CFAP46: variants seen among roughly 807,000 people sequenced by gnomAD.
The protein encoded by CFAP46 is cilia and flagella associated protein 46, also known as cilia- and flagella-associated protein 46.
A neutral mutation model predicts 325.7 loss-of-function variants in CFAP46; 245 were observed. That is an observed-to-expected ratio of 0.75 (90% CI 0.68 to 0.84). The LOEUF (loss-of-function observed/expected upper bound fraction) is 0.84. Ranked by LOEUF, CFAP46 falls within the 40% of genes least tolerant of loss-of-function variation. The probability of loss-of-function intolerance (pLI) is 0.00; values close to 1 mark genes in which losing one functional copy is unlikely to be tolerated. For missense variants in CFAP46, 3,346 were observed against 3,543.0 expected, an observed-to-expected ratio of 0.94 and a Z score of 1.41; for synonymous variants, 1,523 against 1,495.9, an observed-to-expected ratio of 1.02 and a Z score of -0.42.
chr10:132,858,582 A>C (rs1453828369), intron 38 of CFAP46, among the ~76,000 whole-genome samples: 4 of 151,160 alleles, frequency 2.6e-5, no homozygotes, highest in Non-Finnish European at 4.4e-5. Flanking sequence ...GCAGCCCCTG[A>C]GATGCCGTCT....
At chr10:132,845,111 AC>A (rs1201942515) in intron 44 of CFAP46, among the ~76,000 whole-genome samples, 4 of 151,888 alleles carry the variant, frequency 2.6e-5, no homozygotes, top group Non-Finnish European at 4.4e-5. Context: ...TGCCATGCAC[AC>A]CCTCCTGGAC....
intron 7 of CFAP46, among the ~76,000 whole-genome samples, chr10:132,936,370 C>CAT (rs1564806478): frequency 3.5e-4 from 28 of 79,234 alleles, no homozygotes; most frequent in African/African-American, 1.4e-3. Flanking sequence ...CCCCTCGGCA[C>CAT]CCAAACACAC....
chr10:132,880,682 CA>C (rs1370672879), intron 28 of CFAP46, among the ~76,000 whole-genome samples, 178 bp downstream of exon 28: 1 of 147,862 alleles, frequency 6.8e-6, no homozygotes, highest in Admixed American at 6.7e-5. Context: ...CTGCAGAGGA[CA>C]GCACTGAGAC....
chr10:132,868,664 C>G (rs899366836), intron 33 of CFAP46, among the ~76,000 whole-genome samples: 1 of 152,140 alleles, frequency 6.6e-6, no homozygotes, highest in Non-Finnish European at 1.5e-5. Context: ...AATGATGGGG[C>G]CAATCGTGAG....
Position 132,934,799 on chromosome 10 carries a change from G to A in CFAP46, c.819C>T (p.His273=). The change falls in exon 8 of 58, where the codon CAC becomes CAT. Residue 273 remains histidine (H), a synonymous_variant. Transcript: ENST00000368586. Reference sequence around the variant, plus strand: ...AGCGCTGGTGGTTGTAATGACCTAAGTGTCTGTAGGCCTTCCTCAGAATGA... The same window carrying A: ...AGCGCTGGTGGTTGTAATGACCTAAATGTCTGTAGGCCTTCCTCAGAATGA... ...ISVILRKAYR[H]LGHYNHQRFP... 6.2e-7 allele frequency: 1 copy of A among 1,613,138 alleles called. No homozygotes were observed. The highest frequency in any genetic ancestry group is 8.5e-7 in the Non-Finnish European group (1 of 1,179,288).
At position 132,899,665 on chromosome 10, in the gene CFAP46, C is replaced by T. The variant is rs1392906873; in HGVS notation, c.2926G>A (p.Glu976Lys). The change falls in exon 23 of 58, where the codon GAG (glutamate) becomes AAG (lysine). Residue 976 changes from glutamate (E) to lysine (K), a missense_variant and splice_region_variant. Physicochemically the swap from Glu to Lys is moderately conservative, Grantham distance 56. Coordinates refer to ENST00000368586, the MANE Select transcript of CFAP46 (RefSeq NM_001200049.3). ...GIKYLKKFGP[E>K]ESRLVAEMLC... is the part of the protein sequence containing the mutation. ...ATCTCTGCCACCAGCCGGGACTCCTCGCTGCAGGAACAGGGCCAGTGAGGA... is the reference window on the plus strand; with the variant it reads ...ATCTCTGCCACCAGCCGGGACTCCTTGCTGCAGGAACAGGGCCAGTGAGGA... 1.3e-5 allele frequency: 20 copies of T among 1,548,412 alleles called. No homozygotes were observed. The highest frequency in any genetic ancestry group is 2.4e-5 in the East Asian group (1 of 40,904).
intron 44 of CFAP46, 103 bp from the exon 45 acceptor site, chr10:132,837,017 G>C: frequency 1.1e-6 from 1 of 918,538 alleles, no homozygotes; most frequent in Non-Finnish European, 1.7e-6. Flanking sequence ...AGCCACGGCG[G>C]GGGCTTTGTA....
chr10:132,832,912 T>C lies in CFAP46; in HGVS notation c.7117+446A>G, dbSNP rs1848175256. 3 of 448,824 alleles carry C rather than the reference T, an allele frequency of 6.7e-6. No individual in the cohort carries two copies. The highest frequency in any genetic ancestry group is 1.4e-5 in the Non-Finnish European group (3 of 211,410). The allele number at this position is 448,824 out of a possible 1,614,324, so 27.8% of individuals were successfully genotyped here. A position where few individuals can be genotyped will look rare whatever the true frequency, so the allele number is the denominator to read the frequency against. On this transcript the variant is annotated intron_variant, in intron 50 of 57. Transcript: ENST00000368586. The surrounding 1 kb of genome is among the most constrained non-coding windows in gnomAD (Gnocchi z 4.1). ...GTTAAGTTTGTCTTCCCTGTGTGTT[T>C]AGCACCAGGATACTGGCACATAGCA...
At chr10:132,837,387 G>A (rs1848269960) in intron 44 of CFAP46, among the ~76,000 whole-genome samples, 1 of 148,872 alleles carries the variant, frequency 6.7e-6, no homozygotes, top group Non-Finnish European at 1.5e-5. Flanking sequence ...ACACACAGAT[G>A]CACGTGTACA....
intron 17 of CFAP46, 96 bp from the exon 18 acceptor site, chr10:132,913,354 A>ATTTTTG: frequency 2.5e-6 from 1 of 406,174 alleles, no homozygotes; most frequent in East Asian, 6.7e-5. Flanking sequence ...ACCAGGCTGC[A>ATTTTTG]GGGCAAGAAG....
intron 56 of CFAP46, 63 bp downstream of exon 56, chr10:132,810,887 G>GCC (rs1001961768): frequency 2.1e-6 from 3 of 1,459,026 alleles, no homozygotes; most frequent in Non-Finnish European, 1.9e-6. Flanking sequence ...TGGGTCCCAC[G>GCC]CCCGTCTGTC....
intron 54 of CFAP46, 42 bp from the exon 55 acceptor site, chr10:132,812,939 C>G (rs1475289017): frequency 6.6e-7 from 1 of 1,505,232 alleles, no homozygotes; most frequent in African/African-American, 1.4e-5. Context: ...GCCCATGCAC[C>G]TGTACCAGAC....
At position 132,869,192 on chromosome 10, in the gene CFAP46, G is replaced by T. The variant is rs1848860694; in HGVS notation, c.4610+82C>A. On this transcript the variant is annotated intron_variant, in intron 33 of 57. Coordinates refer to ENST00000368586, the MANE Select transcript of CFAP46 (RefSeq NM_001200049.3). The surrounding 1 kb of genome is among the most constrained non-coding windows in gnomAD (Gnocchi z 6.2). ...GAGGGGCAGGAGTCCAGGGAAGAGG[G>T]TGGCCGCGCAGCTGGCTTTCACCTG... 2 of 1,171,826 alleles carry T rather than the reference G, an allele frequency of 1.7e-6. No individual in the cohort carries two copies. The highest frequency in any genetic ancestry group is 2.4e-6 in the Non-Finnish European group (2 of 850,194). 72.6% of individuals were successfully genotyped at this position (1,171,826 alleles called of 1,614,324 possible).
At position 132,929,804 on chromosome 10, in the gene CFAP46, T is replaced by C; in HGVS notation, c.867A>G (p.Lys289=). ...HQRFPSISEE[K]MLLLFELARF... ...GCGCCAATTCAAAAAGCAAAAGCAT[T>C]CTGCAAACAAACAAACCAGCCAGCA... The change falls in exon 9 of 58, where the codon AAA becomes AAG. Residue 289 remains lysine, a splice_region_variant and synonymous_variant. Transcript: ENST00000368586. 6.2e-7 allele frequency: 1 copy of C among 1,606,024 alleles called. No individual in the cohort carries two copies.
At chr10:132,818,731 T>A (rs1236631206) in intron 50 of CFAP46, among the ~76,000 whole-genome samples, 2 of 151,982 alleles carry the variant, frequency 1.3e-5, no homozygotes, top group Middle Eastern at 3.4e-3. Context: ...TGTGCACCTG[T>A]AATCCCAGCT....
chr10:132,836,955 C>A (rs370020416), intron 44 of CFAP46, 41 bp from the exon 45 acceptor site: 4 of 1,434,736 alleles, frequency 2.8e-6, no homozygotes, highest in Non-Finnish European at 3.9e-6. Context: ...GCATTTAGGA[C>A]GCAAGGACGT....
chr10:132,844,196 G>T (rs1267806854), intron 44 of CFAP46, among the ~76,000 whole-genome samples: 1 of 141,184 alleles, frequency 7.1e-6, no homozygotes, highest in Non-Finnish European at 1.6e-5. Context: ...GTGCTGCGGG[G>T]CTGCTCCTGG....
At chr10:132,928,910 A>T (rs1849849628) in intron 9 of CFAP46, among the ~76,000 whole-genome samples, 1 of 152,210 alleles carries the variant, frequency 6.6e-6, no homozygotes, top group Non-Finnish European at 1.5e-5. Flanking sequence ...GTGTATTCTT[A>T]AAATATTAAA....
chr10:132,846,121 C>T lies in CFAP46; in HGVS notation c.6374G>A (p.Cys2125Tyr). 3 of 1,609,478 alleles carry T rather than the reference C, an allele frequency of 1.9e-6. No individual in the cohort carries two copies. Among genetic ancestry groups the T allele is most frequent in the Non-Finnish European group, 2.5e-6 (3 of 1,179,368 alleles). The change falls in exon 44 of 58, where the codon TGC (cysteine) becomes TAC (tyrosine). Residue 2125 changes from cysteine (C) to tyrosine (Y), a missense_variant. Coordinates refer to ENST00000368586, the MANE Select transcript of CFAP46 (RefSeq NM_001200049.3). ...CAGGCTGGTGGTGGTCCTGTCTTGG[C>T]ACCGGAGCTGGTGCTGTAGCTGCAG... ...ALLQLQHQLR[C>Y]QDRTTTSLGA...
Sources: gnomAD v4.1 joint callset for allele counts (sites outside exome capture counted in the v4.1 genomes callset) on GRCh38, gnomAD v4.1.1 for gene constraint, Gnocchi (gnomAD v3.1) non-coding constraint, MANE v1.5 for transcripts, NCBI Gene and HGNC (gene_info 2026-07-23, HGNC 2026-07-21) for gene names.